ZFHX3: variants seen among roughly 807,000 people sequenced by gnomAD.
ZFHX3 encodes zinc finger homeobox protein 3.
In ZFHX3, 42 loss-of-function variants were observed where a neutral mutation model predicts 279.1. That is an observed-to-expected ratio of 0.15 (90% CI 0.12 to 0.19). The LOEUF (loss-of-function observed/expected upper bound fraction) is 0.19, where lower values mean the gene tolerates loss of function less well. ZFHX3 is among the 10% of genes least tolerant of loss of function. The pLI is 1.00. For synonymous variants in ZFHX3, 2,293 were observed against 1,957.8 expected (o/e 1.17, Z -4.52); for missense variants, 4,981 against 4,754.0 (o/e 1.05, Z -1.40).
chr16:73,633,510 A>C (rs1264585473), intron 2 of ZFHX3, among the ~76,000 whole-genome samples: 2 of 152,232 alleles, frequency 1.3e-5, no homozygotes, highest in African/African-American at 4.8e-5. Flanking sequence ...AATGATCAGG[A>C]CTTCGAGACT....
At chr16:72,927,430 G>A (rs921842776) in intron 3 of ZFHX3, among the ~76,000 whole-genome samples, 1 of 152,178 alleles carries the variant, frequency 6.6e-6, no homozygotes, top group African/African-American at 2.4e-5. Flanking sequence ...TGCCCCCTTG[G>A]CCTCCTGATT....
chr16:73,225,263 A>C (rs1162571559), intron 5 of ZFHX3, among the ~76,000 whole-genome samples: 1 of 152,184 alleles, frequency 6.6e-6, no homozygotes, highest in Non-Finnish European at 1.5e-5. Flanking sequence ...AATAGAGAGT[A>C]AACATTTGAG....
chr16:73,365,921 T>C, intron 3 of ZFHX3, among the ~76,000 whole-genome samples: 1 of 152,174 alleles, frequency 6.6e-6, no homozygotes, highest in South Asian at 2.1e-4. Flanking sequence ...AGAGTGGACC[T>C]GGGTCTGCTT....
chr16:73,317,828 G>A (rs1188258992), intron 4 of ZFHX3, among the ~76,000 whole-genome samples: 1 of 152,158 alleles, frequency 6.6e-6, no homozygotes, highest in African/African-American at 2.4e-5. Flanking sequence ...GGAGATGAAG[G>A]GATGGCAAAT....
At chr16:73,796,275 A>T (rs1011285298) in intron 1 of ZFHX3, 1 of 152,204 alleles carries the variant, frequency 6.6e-6, no homozygotes, top group Non-Finnish European at 1.5e-5. Flanking sequence ...GGTCTAAAAG[A>T]CAGATGCAAA....
At chr16:72,964,195 C>A (rs750344700) in intron 1 of ZFHX3, among the ~76,000 whole-genome samples, 14 of 152,162 alleles carry the variant, frequency 9.2e-5, no homozygotes, top group Non-Finnish European at 1.6e-4. Context: ...CTCAACAATT[C>A]CCCGTTCTAG....
intron 8 of ZFHX3, among the ~76,000 whole-genome samples, chr16:73,087,351 C>T (rs1966021852): frequency 6.6e-6 from 1 of 152,148 alleles, no homozygotes; most frequent in African/African-American, 2.4e-5. Flanking sequence ...CCAACGTACC[C>T]AGCGGGACAA....
intron 2 of ZFHX3, among the ~76,000 whole-genome samples, chr16:73,568,609 G>T (rs1007936364): frequency 3.3e-5 from 5 of 152,124 alleles, no homozygotes; most frequent in African/African-American, 1.2e-4. Context: ...CAAGAAAGGG[G>T]AAGGAAAGAG....
chr16:72,849,465 T>C (rs188693683), intron 4 of ZFHX3, among the ~76,000 whole-genome samples: 8 of 152,056 alleles, frequency 5.3e-5, no homozygotes. Context: ...GAGGCCACGA[T>C]CCTGCCAAGA....
chr16:72,938,549 G>A (rs1960242896), intron 3 of ZFHX3, among the ~76,000 whole-genome samples: 1 of 152,204 alleles, frequency 6.6e-6, no homozygotes, highest in African/African-American at 2.4e-5. Flanking sequence ...AGAATTTGGT[G>A]GGTCCCTCGG....
chr16:73,525,547 C>T (rs2019676619), intron 2 of ZFHX3, among the ~76,000 whole-genome samples: 1 of 152,258 alleles, frequency 6.6e-6, no homozygotes, highest in Non-Finnish European at 1.5e-5. Flanking sequence ...ACATCCAGTG[C>T]TTAATTTCAG....
rs367892124 is a variant in ZFHX3 at position 73,820,234 on chromosome 16, C to T, written c.-1608+71417G>A. On this transcript the variant is annotated intron_variant, in intron 1 of 17. Coordinates refer to the ZFHX3 transcript ENST00000641206. The stretch of plus-strand genomic sequence containing the variant: ...CCTCCCGAGTAGCTGGGACTACAGG[C>T]GCCCACCACCACACTTGGCTAATTT... 1.2e-3 allele frequency among the ~76,000 whole-genome samples: 184 copies of T among 152,168 alleles called. 2 individuals carry two copies. Among genetic ancestry groups the T allele is most frequent in the African/African-American group, 3.9e-3 (163 of 41,504 alleles).
intron 3 of ZFHX3, among the ~76,000 whole-genome samples, chr16:73,437,921 T>A (rs2143529525): frequency 6.6e-6 from 1 of 152,350 alleles, no homozygotes; most frequent in East Asian, 1.9e-4. Flanking sequence ...TTTCTTATCA[T>A]CATGCTACTT....
At chr16:73,065,960 T>A (rs1720870718) in intron 8 of ZFHX3, among the ~76,000 whole-genome samples, 1 of 152,212 alleles carries the variant, frequency 6.6e-6, no homozygotes, top group Admixed American at 6.5e-5. Context: ...TTGGAGCCCG[T>A]ACTTGGTTAA....
chr16:73,478,010 T>G (rs1296744693), intron 2 of ZFHX3, among the ~76,000 whole-genome samples: 1 of 152,140 alleles, frequency 6.6e-6, no homozygotes, highest in African/African-American at 2.4e-5. Context: ...CAGTGACTCA[T>G]GCCTGTAATC....
intron 3 of ZFHX3, among the ~76,000 whole-genome samples, chr16:73,360,806 T>C (rs1300549654): frequency 2.0e-5 from 3 of 152,272 alleles, no homozygotes; most frequent in South Asian, 2.1e-4. Flanking sequence ...GTTCATGCTG[T>C]CTCTTACATT....
In ZFHX3 at chr16:72,797,806, C is replaced by T; in HGVS notation, c.4876G>A (p.Ala1626Thr). The T allele has an allele frequency of 6.2e-7, 1 of 1,614,098 alleles. No individual in the cohort carries two copies. The highest frequency in any genetic ancestry group is 8.5e-7 in the Non-Finnish European group (1 of 1,180,024). The stretch of plus-strand genomic sequence containing the variant: ...CCACTTGCAGCCTCCAGCTTGGCTG[C>T]CCGGGCCTTGGTTTGATGTAACACA... ...RSVLHQTKARAAKLEAASGSS... is the reference protein window; with the variant it reads ...RSVLHQTKARTAKLEAASGSS... Residue 1626 changes from alanine to threonine, a missense_variant, in exon 9 of 10, where the codon GCA (alanine) becomes ACA (threonine). Coordinates refer to ENST00000268489, the MANE Select transcript of ZFHX3 (RefSeq NM_006885.4).
At chr16:72,845,481 C>T (rs1041064995) in intron 4 of ZFHX3, among the ~76,000 whole-genome samples, 9 of 152,184 alleles carry the variant, frequency 5.9e-5, no homozygotes, top group Non-Finnish European at 1.3e-4. Context: ...GCTGCAGCCA[C>T]GCCCGGCCCT....
At chr16:73,332,517 G>GTA (rs1291345834) in intron 3 of ZFHX3, among the ~76,000 whole-genome samples, 2 of 152,204 alleles carry the variant, frequency 1.3e-5, no homozygotes, top group Non-Finnish European at 2.9e-5. Flanking sequence ...CTACCACCCA[G>GTA]AGGAAAACTT....
Sources: gnomAD v4.1 joint callset for allele counts (sites outside exome capture counted in the v4.1 genomes callset) on GRCh38, gnomAD v4.1.1 for gene constraint, MANE v1.5 for transcripts, NCBI Gene and HGNC (gene_info 2026-07-23, HGNC 2026-07-21) for gene names.